The following HERC3 variants were observed in gnomAD, a reference collection of about 807,000 sequenced individuals.
HERC3 encodes HECT and RLD domain containing E3 ubiquitin protein ligase 3.
A neutral mutation model predicts 129.9 loss-of-function variants in HERC3; 58 were observed. That is an observed-to-expected ratio of 0.45 (90% CI 0.36 to 0.56). The LOEUF (loss-of-function observed/expected upper bound fraction) is 0.56, where lower values mean the gene tolerates loss of function less well. Among genes scored for constraint, HERC3 ranks in the 20% least tolerant of loss-of-function variants. The pLI, the probability that HERC3 is intolerant of heterozygous loss-of-function variation, is 0.00. For missense variants in HERC3, 835 were observed against 1,244.2 expected (o/e 0.67, Z 4.95); for synonymous variants, 430 against 451.0 (o/e 0.95, Z 0.59).
intron 23 of HERC3, among the ~76,000 whole-genome samples, chr4:88,699,321 C>CCCACCCACCCCTACCCGCTTCTTCT (rs1735092918): frequency 3.4e-5 from 1 of 29,616 alleles, no homozygotes; most frequent in Non-Finnish European, 4.9e-5. Context: ...CCTCTTCCTC[C>CCCACCCACCCCTACCCGCTTCTTCT]CCACCCACCC....
intron 21 of HERC3, 79 bp from the exon 22 acceptor site, chr4:88,686,656 TG>T: frequency 2.3e-6 from 2 of 883,688 alleles, no homozygotes; most frequent in Non-Finnish European, 3.8e-6. Flanking sequence ...GGAAATGGTC[TG>T]GACATGTAAC....
chr4:88,606,787 C>T (rs1449726457), intron 3 of HERC3, among the ~76,000 whole-genome samples: 1 of 152,146 alleles, frequency 6.6e-6, no homozygotes, highest in African/African-American at 2.4e-5. Context: ...CATTTACCTC[C>T]CACTGGATCC....
At chr4:88,565,867 C>T in the HERC3 span, among the ~76,000 whole-genome samples, 1 of 152,062 alleles carries the variant, frequency 6.6e-6, no homozygotes, top group Non-Finnish European at 1.5e-5. Flanking sequence ...TCCTTTCTGT[C>T]TTCCTTTTAG....
the HERC3 span, among the ~76,000 whole-genome samples, chr4:88,553,986 T>C: frequency 6.6e-6 from 1 of 152,142 alleles, no homozygotes; most frequent in African/African-American, 2.4e-5. Flanking sequence ...ATGTGGTGCT[T>C]AATAAATTCT....
chr4:88,580,478 C>T, the HERC3 span, among the ~76,000 whole-genome samples: 1 of 151,908 alleles, frequency 6.6e-6, no homozygotes, highest in Admixed American at 6.6e-5. Flanking sequence ...GATCACACCA[C>T]TGCACTCCAG....
At chr4:88,638,557 CT>C (rs1727697809) in intron 3 of HERC3, among the ~76,000 whole-genome samples, 1 of 152,170 alleles carries the variant, frequency 6.6e-6, no homozygotes, top group Admixed American at 6.5e-5. Context: ...ATGTTAAAGA[CT>C]CTCAATAAAC....
intron 3 of HERC3, among the ~76,000 whole-genome samples, chr4:88,646,970 A>G (rs1262528712): frequency 1.3e-5 from 2 of 152,090 alleles, no homozygotes; most frequent in Admixed American, 6.5e-5. Flanking sequence ...CCTATTGTCC[A>G]TCTTCTTTAA....
intron 6 of HERC3, 88 bp downstream of exon 6, chr4:88,653,178 C>A (rs1194223491): frequency 1.6e-6 from 2 of 1,263,804 alleles, no homozygotes; most frequent in East Asian, 2.4e-5. Context: ...GTGCTAGCCC[C>A]ATGTGAGATA....
Position 88,687,258 on chromosome 4 carries a change from G to C in HERC3, c.2616G>C (p.Leu872=). The change falls in exon 23 of 26, where the codon CTG becomes CTC. Residue 872 remains leucine, a synonymous_variant. Coordinates refer to ENST00000402738, the MANE Select transcript of HERC3 (RefSeq NM_014606.3). ...ATGGAGTGATTGAACAGAAGAAGCTGATACCTGGGGGAGATAATGTAACTG... is the reference window on the plus strand; with the variant it reads ...ATGGAGTGATTGAACAGAAGAAGCTCATACCTGGGGGAGATAATGTAACTG... ...ESYGVIEQKK[L]IPGGDNVTVC... 6.2e-7 allele frequency: 1 copy of C among 1,613,066 alleles called. No homozygotes were observed. The highest frequency in any genetic ancestry group is 8.5e-7 in the Non-Finnish European group (1 of 1,179,232).
the HERC3 span, among the ~76,000 whole-genome samples, chr4:88,529,649 G>T: frequency 6.6e-6 from 1 of 152,052 alleles, no homozygotes; most frequent in Non-Finnish European, 1.5e-5. Context: ...AGTTACTCGG[G>T]AGGCTGAGGC....
the HERC3 span, chr4:88,583,700 A>G: frequency 6.6e-6 from 1 of 152,236 alleles, no homozygotes. Context: ...GCTTTGTAAA[A>G]ACAGATTTGG....
chr4:88,636,484 A>T (rs545802719), intron 3 of HERC3, among the ~76,000 whole-genome samples: 1 of 152,344 alleles, frequency 6.6e-6, no homozygotes, highest in African/African-American at 2.4e-5. Flanking sequence ...GGGAGCACCC[A>T]GATTCATAAA....
chr4:88,569,245 G>T, the HERC3 span, among the ~76,000 whole-genome samples: 2 of 152,184 alleles, frequency 1.3e-5, no homozygotes, highest in Admixed American at 1.3e-4. Context: ...GTGATAGGCA[G>T]CACTGAGTTC....
At chr4:88,670,327 C>G in intron 16 of HERC3, 75 bp downstream of exon 16, 1 of 962,124 alleles carries the variant, frequency 1.0e-6, no homozygotes, top group Non-Finnish European at 1.6e-6. Context: ...TATAATATGT[C>G]TTTGACTTTG....
At chr4:88,602,826 T>A (rs1723159136) in intron 2 of HERC3, among the ~76,000 whole-genome samples, 1 of 152,182 alleles carries the variant, frequency 6.6e-6, no homozygotes, top group Non-Finnish European at 1.5e-5. Flanking sequence ...CCCAAGGCGA[T>A]GCTGATTAGA....
the HERC3 span, among the ~76,000 whole-genome samples, chr4:88,567,891 C>A: frequency 2.6e-5 from 4 of 152,268 alleles, no homozygotes; most frequent in African/African-American, 9.6e-5. Flanking sequence ...TTATTTTAAT[C>A]TTCACAGTCT....
At chr4:88,627,571 GA>G (rs1726244968) in intron 3 of HERC3, among the ~76,000 whole-genome samples, 1 of 152,062 alleles carries the variant, frequency 6.6e-6, no homozygotes, top group African/African-American at 2.4e-5. Flanking sequence ...CACAAATACT[GA>G]GAGACAAGTG....
chr4:88,679,566 C>T (rs1484978491), intron 19 of HERC3, among the ~76,000 whole-genome samples: 2 of 149,366 alleles, frequency 1.3e-5, no homozygotes, highest in Non-Finnish European at 3.0e-5. Flanking sequence ...GTTGCCCAGG[C>T]TGGAGTGCAG....
At chr4:88,572,524 C>G in the HERC3 span, among the ~76,000 whole-genome samples, 5 of 151,894 alleles carry the variant, frequency 3.3e-5, no homozygotes, top group Non-Finnish European at 5.9e-5. Context: ...TAATTGCAGT[C>G]TTTTGGCCGA....
Sources: gnomAD v4.1 joint callset for allele counts (sites outside exome capture counted in the v4.1 genomes callset) on GRCh38, gnomAD v4.1.1 for gene constraint, MANE v1.5 for transcripts, NCBI Gene and HGNC (gene_info 2026-07-23, HGNC 2026-07-21) for gene names.